The following RASSF5 variants were observed in gnomAD, a reference collection of about 807,000 sequenced individuals.
RASSF5 encodes the protein ras association domain-containing protein 5.
In RASSF5, 25 loss-of-function variants were observed where a neutral mutation model predicts 40.5. The observed-to-expected ratio is 0.62, with a 90% CI of 0.45 to 0.86. RASSF5 has a LOEUF of 0.86. Ranked by LOEUF, RASSF5 falls within the 40% of genes least tolerant of loss-of-function variation. The pLI is 0.00. For synonymous variants in RASSF5, 246 were observed against 252.4 expected (o/e 0.97, Z 0.24); for missense variants, 521 against 572.8 (o/e 0.91, Z 0.92).
chr1:206,527,683 T>C (rs1667131538), intron 1 of RASSF5, among the ~76,000 whole-genome samples: 1 of 151,986 alleles, frequency 6.6e-6, no homozygotes, highest in Non-Finnish European at 1.5e-5. Flanking sequence ...AAGCCTCAGG[T>C]GGGGTACTCT....
chr1:206,555,100 T>C (rs1002513146), intron 2 of RASSF5, among the ~76,000 whole-genome samples: 4 of 152,154 alleles, frequency 2.6e-5, no homozygotes, highest in Non-Finnish European at 5.9e-5. Context: ...GTTAAAAAGG[T>C]TTGAAAGACC....
intron 2 of RASSF5, among the ~76,000 whole-genome samples, chr1:206,564,716 T>C (rs1668237603): frequency 6.6e-6 from 1 of 152,162 alleles, no homozygotes; most frequent in Non-Finnish European, 1.5e-5. Context: ...TGCAGGTCCT[T>C]GGTTTCTTCT....
chr1:206,534,097 C>T (rs1553398308), intron 1 of RASSF5, among the ~76,000 whole-genome samples: 2 of 152,208 alleles, frequency 1.3e-5, no homozygotes, highest in African/African-American at 4.8e-5. Context: ...CAGTAATTTT[C>T]TGTTTAAGTC....
In RASSF5 at chr1:206,566,196, G is replaced by A. The variant is rs144205995; in HGVS notation, c.580-17073G>A. Among the ~76,000 whole-genome samples, 93 of 152,250 alleles carry A rather than the reference G, an allele frequency of 6.1e-4. 2 individuals are homozygous for A. The East Asian group carries it at 0.017, about 28-fold the overall frequency. ...GGCAAGGTTGCCAGCCCCCATGCTT[G>A]TCCAGCTCTAAAGCACATGCTCATC... On this transcript the variant is annotated intron_variant, in intron 2 of 5. Coordinates refer to ENST00000579436, the MANE Select transcript of RASSF5 (RefSeq NM_182663.4).
Position 206,576,978 on chromosome 1 carries a change from A to ATT in RASSF5, c.580-6279_580-6278dup, listed in dbSNP as rs36057143. On this transcript the variant is annotated intron_variant, in intron 2 of 5. Transcript: ENST00000579436. ...TTCACTGTGCCCAGCTAATTTTTGT[A>ATT]TTTTTTTTTTTTTGTAGAGACAGGG... is the stretch of plus-strand genomic sequence containing the variant. 6.6e-3 allele frequency among the ~76,000 whole-genome samples: 958 copies of ATT among 145,262 alleles called. 7 individuals carry two copies. Among genetic ancestry groups the ATT allele is most frequent in the African/African-American group, 0.016 (636 of 39,560 alleles).
chr1:206,540,495 CG>C (rs1667518052), intron 2 of RASSF5, among the ~76,000 whole-genome samples: 2 of 152,242 alleles, frequency 1.3e-5, no homozygotes, highest in African/African-American at 4.8e-5. Context: ...GGAGCTGAAC[CG>C]CCCCCAGTGG....
chr1:206,586,619 T>G, intron 5 of RASSF5: 2 of 553,898 alleles, frequency 3.6e-6, no homozygotes, highest in Non-Finnish European at 3.2e-6. Context: ...CTCTTGGTCA[T>G]GAGATGCCAG....
intron 1 of RASSF5, among the ~76,000 whole-genome samples, chr1:206,527,322 G>T (rs1572304607): frequency 6.6e-6 from 1 of 152,278 alleles, no homozygotes; most frequent in South Asian, 2.1e-4. Context: ...GTCCATTTTG[G>T]TGTCATAGGG....
In RASSF5 at chr1:206,588,965, G is replaced by A. The variant is rs942071474; in HGVS notation, c.*1987G>A. The A allele has an allele frequency of 6.5e-6, 1 of 152,708 alleles. No homozygotes were observed. 9.5% of individuals were successfully genotyped at this position (152,708 alleles called of 1,614,324 possible). A position where few individuals can be genotyped will look rare whatever the true frequency, so the allele number is the denominator to read the frequency against. On this transcript the variant is annotated 3_prime_UTR_variant, in exon 6 of 6. Transcript: ENST00000579436. ...TTTTGAGAAGGAAAAAAAAAGTCATGTATATATACACATAAAGGCATATAG... is the reference window on the plus strand; with the variant it reads ...TTTTGAGAAGGAAAAAAAAAGTCATATATATATACACATAAAGGCATATAG...
chr1:206,523,430 A>T (rs868988395), intron 1 of RASSF5, among the ~76,000 whole-genome samples: 1,413 of 111,368 alleles, frequency 0.013, 18 homozygotes, highest in African/African-American at 0.039. Flanking sequence ...ATATTATATA[A>T]TATATTTTAT....
Position 206,507,834 on chromosome 1 carries a change from C to T in RASSF5, c.232C>T (p.Arg78Ter), listed in dbSNP as rs960422165. Residue 78 changes from arginine (R) to a stop codon, truncating the protein, a stop_gained, in exon 1 of 6, where the codon CGA becomes TGA. Coordinates refer to ENST00000579436, the MANE Select transcript of RASSF5 (RefSeq NM_182663.4). LOFTEE classifies it high-confidence loss of function. ...CCTGGAGCCCCCGCCCCGGGCCTCC[C>T]GACCCGCTCGCCCGCTCCGGCCTGG... The part of the protein sequence containing the change: ...GNLEPPPRAS[R>*]PARPLRPGLQ... 2.1e-6 allele frequency: 3 copies of T among 1,442,618 alleles called. No homozygotes were observed. Among genetic ancestry groups the T allele is most frequent in the Non-Finnish European group, 1.8e-6 (2 of 1,104,386 alleles). 89.4% of individuals were successfully genotyped at this position (1,442,618 alleles called of 1,614,324 possible).
At chr1:206,521,786 C>T (rs1553396138) in intron 1 of RASSF5, among the ~76,000 whole-genome samples, 1 of 152,208 alleles carries the variant, frequency 6.6e-6, no homozygotes, top group Non-Finnish European at 1.5e-5. Context: ...ACCCAGGGTC[C>T]TCCGTCTGTC....
At chr1:206,523,665 A>T (rs1666985366) in intron 1 of RASSF5, among the ~76,000 whole-genome samples, 1 of 98,576 alleles carries the variant, frequency 1.0e-5, no homozygotes, top group South Asian at 2.4e-4. Context: ...TAAAATATAT[A>T]AAATATATTA....
chr1:206,540,883 C>A (rs1256733702), intron 2 of RASSF5, among the ~76,000 whole-genome samples: 1 of 152,038 alleles, frequency 6.6e-6, no homozygotes, highest in African/African-American at 2.4e-5. Flanking sequence ...AGTGGCATTT[C>A]TCCTCTCTGA....
chr1:206,573,042 G>A (rs546773353), intron 2 of RASSF5, among the ~76,000 whole-genome samples: 1 of 152,366 alleles, frequency 6.6e-6, no homozygotes, highest in East Asian at 1.9e-4. Flanking sequence ...TGATGGTGAT[G>A]ATGATAATTT....
At chr1:206,554,770 G>A (rs907903310) in intron 2 of RASSF5, among the ~76,000 whole-genome samples, 6 of 152,150 alleles carry the variant, frequency 3.9e-5, no homozygotes, top group Non-Finnish European at 8.8e-5. Context: ...TTGAGACCCT[G>A]GGGCTTCAGT....
At chr1:206,572,471 C>A (rs1668483608) in intron 2 of RASSF5, 2 of 152,340 alleles carry the variant, frequency 1.3e-5, no homozygotes, top group South Asian at 4.1e-4. Context: ...GGAGTCTGTC[C>A]AGACCTGGGG....
intron 2 of RASSF5, among the ~76,000 whole-genome samples, chr1:206,540,392 A>G (rs782522088): frequency 1.4e-4 from 21 of 152,246 alleles, no homozygotes; most frequent in Admixed American, 6.5e-4. Flanking sequence ...AGAGGAGTCA[A>G]CCTTGGAACC....
At position 206,535,977 on chromosome 1, in the gene RASSF5, C is replaced by T. The variant is rs1346141502; in HGVS notation, c.458-2195C>T. ...TTGGCATCCTCAGAGCATTCTTCATCGCTCAGAGCTCTACCAGAGCCATAC... is the reference window on the plus strand; with the variant it reads ...TTGGCATCCTCAGAGCATTCTTCATTGCTCAGAGCTCTACCAGAGCCATAC... On this transcript the variant is annotated intron_variant, in intron 1 of 5. Transcript: ENST00000579436. The surrounding 1 kb of genome is among the most constrained non-coding windows in gnomAD (Gnocchi z 5.0). Among the ~76,000 whole-genome samples the T allele has an allele frequency of 1.3e-5, 2 of 152,218 alleles. No homozygotes were observed. Among genetic ancestry groups the T allele is most frequent in the Non-Finnish European group, 2.9e-5 (2 of 68,012 alleles).
Sources: gnomAD v4.1 joint callset for allele counts (sites outside exome capture counted in the v4.1 genomes callset) on GRCh38, gnomAD v4.1.1 for gene constraint, Gnocchi (gnomAD v3.1) non-coding constraint, MANE v1.5 for transcripts, NCBI Gene and HGNC (gene_info 2026-07-23, HGNC 2026-07-21) for gene names.